The following ZSWIM6 variants were observed in gnomAD, a reference collection of about 807,000 sequenced individuals.
The protein encoded by ZSWIM6 is zinc finger SWIM-type containing 6, also known as zinc finger SWIM domain-containing protein 6.
ZSWIM6 carries 9 observed loss-of-function variants against 113.2 expected under a neutral mutation model. That is an observed-to-expected ratio of 0.08 (90% CI 0.05 to 0.14). The LOEUF (loss-of-function observed/expected upper bound fraction) is 0.14, where lower values mean the gene tolerates loss of function less well. ZSWIM6 is among the 10% of genes least tolerant of loss of function. The pLI is 1.00. For missense variants in ZSWIM6, 1,162 were observed against 1,552.2 expected (o/e 0.75, Z 4.22); for synonymous variants, 611 against 606.5 (o/e 1.01, Z -0.11).
intron 2 of ZSWIM6, among the ~76,000 whole-genome samples, chr5:61,487,064 C>T (rs764256169): frequency 1.1e-4 from 16 of 151,340 alleles, no homozygotes; most frequent in Non-Finnish European, 2.2e-4. Context: ...ACAGGTCTTA[C>T]ATTTTATGAT....
intron 1 of ZSWIM6, among the ~76,000 whole-genome samples, chr5:61,410,309 C>CTTTTTT (rs532542169): frequency 7.7e-6 from 1 of 130,002 alleles, no homozygotes; most frequent in African/African-American, 2.8e-5. Context: ...GATGTATTTC[C>CTTTTTT]TTTTTTTTTT....
At chr5:61,469,549 CTG>C (rs1561250164) in intron 1 of ZSWIM6, among the ~76,000 whole-genome samples, 2 of 152,162 alleles carry the variant, frequency 1.3e-5, no homozygotes, top group African/African-American at 2.4e-5. Context: ...AGTAACAAAA[CTG>C]TATAATATGT....
intron 1 of ZSWIM6, among the ~76,000 whole-genome samples, chr5:61,409,819 G>A (rs1746119123): frequency 6.6e-6 from 1 of 152,030 alleles, no homozygotes; most frequent in South Asian, 2.1e-4. Context: ...CATAGACAAG[G>A]ATCTAAAAGG....
rs574991594 is a variant in ZSWIM6, at chr5:61,398,105, G to C, written c.676+65157G>C. Among the ~76,000 whole-genome samples, 7 of 152,282 alleles carry C rather than the reference G, an allele frequency of 4.6e-5. No individual in the cohort carries two copies. In the East Asian group the frequency reaches 1.2e-3, roughly 25 times the overall value. ...GCCCTGCTCTCTTGCTGTGGTTCCAGTTGAAGTGTGGAGTCTCACAGCAGG... is the reference window on the plus strand; with the variant it reads ...GCCCTGCTCTCTTGCTGTGGTTCCACTTGAAGTGTGGAGTCTCACAGCAGG... On this transcript the variant is annotated intron_variant, in intron 1 of 13. Transcript: ENST00000252744.
At chr5:61,378,018 G>A (rs1745406649) in intron 1 of ZSWIM6, among the ~76,000 whole-genome samples, 1 of 152,190 alleles carries the variant, frequency 6.6e-6, no homozygotes, top group African/African-American at 2.4e-5. Context: ...CAAATTGTTA[G>A]CCTGAATGGG....
chr5:61,384,210 C>T (rs926391569), intron 1 of ZSWIM6, among the ~76,000 whole-genome samples: 1 of 146,046 alleles, frequency 6.8e-6, no homozygotes, highest in African/African-American at 2.6e-5. Context: ...CACTGCAGTC[C>T]GCAGTCCAGC....
At chr5:61,341,804 G>A (rs1744553438) in intron 1 of ZSWIM6, among the ~76,000 whole-genome samples, 2 of 149,012 alleles carry the variant, frequency 1.3e-5, no homozygotes, top group African/African-American at 2.5e-5. Context: ...CCTTCAGGAT[G>A]TACCTATACA....
At chr5:61,437,550 T>G (rs1746735827) in intron 1 of ZSWIM6, among the ~76,000 whole-genome samples, 1 of 151,854 alleles carries the variant, frequency 6.6e-6, no homozygotes, top group Non-Finnish European at 1.5e-5. Flanking sequence ...TGGCAAAACC[T>G]GGTCTCTATA....
intron 1 of ZSWIM6, among the ~76,000 whole-genome samples, chr5:61,416,177 G>A (rs1746248906): frequency 6.6e-6 from 1 of 152,176 alleles, no homozygotes; most frequent in Non-Finnish European, 1.5e-5. Flanking sequence ...TTCTTGGAAG[G>A]AATAGAGAGG....
intron 2 of ZSWIM6, among the ~76,000 whole-genome samples, chr5:61,476,639 T>A (rs534740376): frequency 2.6e-5 from 4 of 152,354 alleles, no homozygotes; most frequent in East Asian, 3.9e-4. Flanking sequence ...AATAAAACTT[T>A]CTAGCTTCCA....
In ZSWIM6 at chr5:61,531,694, T is replaced by C; in HGVS notation, c.2214T>C (p.Ile738=). Reference sequence around the variant, plus strand: ...AATTGGATGACACACTGGTGAAAATTTTTCGCAAGCAAGCAGTCTTCCTAT... The same window carrying C: ...AATTGGATGACACACTGGTGAAAATCTTTCGCAAGCAAGCAGTCTTCCTAT... ...EIELDDTLVK[I]FRKQAVFLLE... The change falls in exon 9 of 14, where the codon ATT becomes ATC. Residue 738 remains isoleucine (I), a synonymous_variant. Coordinates refer to ENST00000252744, the MANE Select transcript of ZSWIM6 (RefSeq NM_020928.2). 1 of 1,551,638 alleles carries C rather than the reference T, an allele frequency of 6.4e-7. No homozygotes were observed. The highest frequency in any genetic ancestry group is 8.7e-7 in the Non-Finnish European group (1 of 1,146,962).
intron 2 of ZSWIM6, among the ~76,000 whole-genome samples, chr5:61,487,395 A>G (rs1748049332): frequency 6.6e-6 from 1 of 151,906 alleles, no homozygotes; most frequent in Admixed American, 6.6e-5. Flanking sequence ...TTTTGGTTCC[A>G]TATGAATTTT....
intron 2 of ZSWIM6, among the ~76,000 whole-genome samples, chr5:61,480,432 G>A (rs1321632299): frequency 6.6e-6 from 1 of 152,174 alleles, no homozygotes; most frequent in Non-Finnish European, 1.5e-5. Flanking sequence ...AGAACCCGGT[G>A]CACATCAGCC....
At chr5:61,453,786 A>G (rs144261143) in intron 1 of ZSWIM6, among the ~76,000 whole-genome samples, 2 of 151,218 alleles carry the variant, frequency 1.3e-5, no homozygotes, top group African/African-American at 4.9e-5. Flanking sequence ...GAGAGATTAA[A>G]CTCCACCTAC....
chr5:61,348,776 C>T (rs1051342401), intron 1 of ZSWIM6, among the ~76,000 whole-genome samples: 1 of 152,100 alleles, frequency 6.6e-6, no homozygotes, highest in Non-Finnish European at 1.5e-5. Context: ...ACTGTTTCTT[C>T]TTAAAAATCT....
chr5:61,401,472 A>G (rs1477136927), intron 1 of ZSWIM6, among the ~76,000 whole-genome samples: 5 of 152,190 alleles, frequency 3.3e-5, no homozygotes, highest in African/African-American at 1.2e-4. Flanking sequence ...ATTACATTTT[A>G]GAAAATAAAG....
At chr5:61,466,999 T>C (rs1351989825) in intron 1 of ZSWIM6, among the ~76,000 whole-genome samples, 1 of 152,230 alleles carries the variant, frequency 6.6e-6, no homozygotes, top group Admixed American at 6.5e-5. Context: ...GTGAGGACTT[T>C]GCCCCTTCAG....
At chr5:61,502,281 A>G (rs959422521) in intron 4 of ZSWIM6, among the ~76,000 whole-genome samples, 3 of 152,180 alleles carry the variant, frequency 2.0e-5, no homozygotes, top group Admixed American at 6.5e-5. Context: ...GTATGTGCCA[A>G]TATCAAGCAA....
At chr5:61,498,355 G>A (rs1306244952) in intron 4 of ZSWIM6, among the ~76,000 whole-genome samples, 1 of 152,194 alleles carries the variant, frequency 6.6e-6, no homozygotes, top group Non-Finnish European at 1.5e-5. Flanking sequence ...CAAGAGCCTT[G>A]CTGCACTGAG....
Sources: gnomAD v4.1 joint callset for allele counts (sites outside exome capture counted in the v4.1 genomes callset) on GRCh38, gnomAD v4.1.1 for gene constraint, MANE v1.5 for transcripts, NCBI Gene and HGNC (gene_info 2026-07-23, HGNC 2026-07-21) for gene names.